The following SGCD variants were observed in gnomAD, a reference collection of about 807,000 sequenced individuals.
SGCD encodes the protein delta-sarcoglycan.
SGCD carries 18 observed loss-of-function variants against 36.6 expected under a neutral mutation model. The observed-to-expected ratio is 0.49, with a 90% CI of 0.34 to 0.73. SGCD has a LOEUF of 0.73. Ranked by LOEUF, SGCD falls within the 30% of genes least tolerant of loss-of-function variation. The pLI is 0.01. For synonymous variants in SGCD, 133 were observed against 130.6 expected (o/e 1.02, Z -0.12); for missense variants, 387 against 346.7 (o/e 1.12, Z -0.92).
Position 156,456,515 on chromosome 5 carries a change from C to T in SGCD, c.193-52086C>T, listed in dbSNP as rs143227552. 1.1e-3 allele frequency among the ~76,000 whole-genome samples: 171 copies of T among 152,234 alleles called. 1 individual carries two copies. Among genetic ancestry groups the T allele is most frequent in the African/African-American group, 3.9e-3 (163 of 41,554 alleles). ...TTGGGAGGAAAGTAAAACTTGTAAG[C>T]TATGAAGGTGAAGAGATTTCTAAGA... On this transcript the variant is annotated intron_variant, in intron 3 of 8. Coordinates refer to ENST00000337851, the MANE Select transcript of SGCD (RefSeq NM_000337.6).
At chr5:156,544,319 C>G (rs1177964583) in intron 4 of SGCD, among the ~76,000 whole-genome samples, 2 of 152,080 alleles carry the variant, frequency 1.3e-5, no homozygotes, top group East Asian at 3.9e-4. Flanking sequence ...ACTCAACCTA[C>G]CTGGTAATAA....
chr5:155,741,742 G>T, the SGCD span, among the ~76,000 whole-genome samples: 1 of 149,860 alleles, frequency 6.7e-6, no homozygotes, highest in Non-Finnish European at 1.5e-5. Flanking sequence ...ACCCAGGCTG[G>T]AGTGCAGTGG....
At chr5:156,685,445 T>C (rs558835030) in intron 7 of SGCD, among the ~76,000 whole-genome samples, 43 of 152,318 alleles carry the variant, frequency 2.8e-4, no homozygotes, top group Middle Eastern at 3.4e-3. Flanking sequence ...ATATGCTGTC[T>C]AGAATGCTTT....
At chr5:156,456,586 A>C (rs748173408) in intron 3 of SGCD, among the ~76,000 whole-genome samples, 1 of 152,218 alleles carries the variant, frequency 6.6e-6, no homozygotes, top group Non-Finnish European at 1.5e-5. Flanking sequence ...TGCCTATAGC[A>C]AAGTGCAAAA....
At chr5:156,618,841 C>T (rs1446614639) in intron 6 of SGCD, among the ~76,000 whole-genome samples, 6 of 152,006 alleles carry the variant, frequency 3.9e-5, no homozygotes, top group Admixed American at 1.3e-4. Context: ...TCTGTGTAAA[C>T]TTCCACAACC....
intron 6 of SGCD, among the ~76,000 whole-genome samples, chr5:156,645,458 A>G (rs528365227): frequency 1.3e-5 from 2 of 152,234 alleles, no homozygotes; most frequent in East Asian, 3.9e-4. Context: ...ATCTCATTAT[A>G]GATGTGAATT....
chr5:156,232,117 C>T (rs551668337), intron 3 of SGCD, among the ~76,000 whole-genome samples: 1 of 152,298 alleles, frequency 6.6e-6, no homozygotes, highest in South Asian at 2.1e-4. Context: ...AGAGGAGAGC[C>T]AACACCAGCT....
At chr5:156,044,321 A>C (rs77005236) in intron 1 of SGCD, among the ~76,000 whole-genome samples, 2 of 152,076 alleles carry the variant, frequency 1.3e-5, no homozygotes, top group Non-Finnish European at 2.9e-5. Context: ...TTTTGGCCCT[A>C]CATTTCCATG....
chr5:156,053,272 G>A (rs1759968298), intron 1 of SGCD, among the ~76,000 whole-genome samples: 1 of 146,084 alleles, frequency 6.8e-6, no homozygotes, highest in Non-Finnish European at 1.5e-5. Flanking sequence ...GCAGAATGCA[G>A]CACCACTCCC....
chr5:156,148,140 G>A (rs1762749427), intron 3 of SGCD, among the ~76,000 whole-genome samples: 1 of 152,120 alleles, frequency 6.6e-6, no homozygotes, highest in African/African-American at 2.4e-5. Context: ...CCTTGAAGAT[G>A]AGAAAAGAAA....
intron 3 of SGCD, among the ~76,000 whole-genome samples, chr5:156,140,413 A>T (rs1319859353): frequency 6.6e-6 from 1 of 152,196 alleles, no homozygotes; most frequent in East Asian, 1.9e-4. Context: ...AGAAATGTGG[A>T]TGCTGAAAGA....
At chr5:155,849,651 A>G in the SGCD span, among the ~76,000 whole-genome samples, 1 of 152,182 alleles carries the variant, frequency 6.6e-6, no homozygotes, top group Non-Finnish European at 1.5e-5. Flanking sequence ...TAGCAATTTC[A>G]ATTAATAGTG....
Position 156,766,112 on chromosome 5 carries a change from C to CTG in SGCD, c.*6731_*6732dup, listed in dbSNP as rs1757583724. ...GGAAAAAATTGTAATACTCAGTTATCTGTGTGTGTGGCTAAACAAGTCAGC... is the reference window on the plus strand; with the variant it reads ...GGAAAAAATTGTAATACTCAGTTATCTGTGTGTGTGTGGCTAAACAAGTCAGC... On this transcript the variant is annotated 3_prime_UTR_variant, in exon 9 of 9. Transcript: ENST00000337851. 1.3e-5 allele frequency: 2 copies of CTG among 151,564 alleles called. No homozygotes were observed. Among genetic ancestry groups the CTG allele is most frequent in the Non-Finnish European group, 2.9e-5 (2 of 67,938 alleles). The allele number at this position is 151,564 out of a possible 1,614,324, so 9.4% of individuals were successfully genotyped here. A position where few individuals can be genotyped will look rare whatever the true frequency, so the allele number is the denominator to read the frequency against.
At chr5:156,569,557 A>C (rs1759633708) in intron 4 of SGCD, among the ~76,000 whole-genome samples, 1 of 150,816 alleles carries the variant, frequency 6.6e-6, no homozygotes, top group African/African-American at 2.4e-5. Context: ...GCCCCACTGC[A>C]CTCCAGCCTG....
chr5:156,725,434 C>T (rs561010832), intron 7 of SGCD, among the ~76,000 whole-genome samples: 2 of 152,146 alleles, frequency 1.3e-5, no homozygotes, highest in Non-Finnish European at 2.9e-5. Flanking sequence ...TAGAAAGAAA[C>T]AAGACTACTT....
chr5:155,991,127 C>A (rs1423983300), intron 1 of SGCD, among the ~76,000 whole-genome samples: 2 of 152,108 alleles, frequency 1.3e-5, no homozygotes, highest in African/African-American at 4.8e-5. Flanking sequence ...TGAGATTATT[C>A]CCTTGGCCTA....
chr5:155,920,956 G>A (rs1198616960), intron 1 of SGCD, among the ~76,000 whole-genome samples: 2 of 152,156 alleles, frequency 1.3e-5, no homozygotes, highest in Admixed American at 1.3e-4. Flanking sequence ...GCTGAACTTG[G>A]CATTCATTAC....
intron 1 of SGCD, among the ~76,000 whole-genome samples, chr5:155,960,178 C>T (rs1367203244): frequency 6.6e-6 from 1 of 152,000 alleles, no homozygotes; most frequent in East Asian, 1.9e-4. Flanking sequence ...TCCACCTCTC[C>T]CGCTCCTTTT....
the SGCD span, among the ~76,000 whole-genome samples, chr5:155,860,658 T>C: frequency 1.3e-5 from 2 of 152,220 alleles, no homozygotes; most frequent in Admixed American, 6.5e-5. Context: ...TTTTACCAGG[T>C]ACCTTGCAAA....
Sources: allele counts gnomAD v4.1 joint callset (sites outside exome capture counted in the v4.1 genomes callset), GRCh38; gene constraint gnomAD v4.1.1; transcripts MANE v1.5; gene names NCBI Gene and HGNC (gene_info 2026-07-23, HGNC 2026-07-21).